SNRPN: variants seen among roughly 807,000 people sequenced by gnomAD.
SNRPN encodes small nuclear ribonucleoprotein polypeptide N.
Under a neutral mutation model 25.2 loss-of-function variants are expected in SNRPN, and 7 were observed. The ratio of observed to expected loss-of-function variants is 0.28; its 90% CI spans 0.16 to 0.52. The LOEUF is 0.52. SNRPN is among the 20% of genes least tolerant of loss of function. SNRPN has a pLI of 0.96. For missense variants in SNRPN, 196 were observed against 322.5 expected (o/e 0.61, Z 3.00); for synonymous variants, 124 against 110.6 (o/e 1.12, Z -0.76).
intron 2 of SNRPN, among the ~76,000 whole-genome samples, chr15:24,896,989 A>G (rs2058117251): frequency 6.6e-6 from 1 of 151,928 alleles, no homozygotes; most frequent in African/African-American, 2.4e-5. Context: ...TCATCTCTAT[A>G]GTAAAATACA....
chr15:24,909,757 T>C, intron 2 of SNRPN: 1 of 1,286,772 alleles, frequency 7.8e-7, no homozygotes, highest in Non-Finnish European at 1.1e-6. Context: ...CCTCTCATCA[T>C]CGTCTTCTAA....
At chr15:24,942,010 C>T (rs1406493291) in intron 3 of SNRPN, among the ~76,000 whole-genome samples, 2 of 152,004 alleles carry the variant, frequency 1.3e-5, no homozygotes, top group African/African-American at 4.8e-5. Context: ...GAACTCCTGA[C>T]CTCGTGATCC....
chr15:24,974,723 G>C (rs181328494), intron 4 of SNRPN: 32 of 606,260 alleles, frequency 5.3e-5, no homozygotes, highest in Non-Finnish European at 4.1e-5. Context: ...AGAGATTCTC[G>C]TGCCTCAGCC....
At chr15:24,968,570 A>T (rs952806099) in intron 3 of SNRPN, among the ~76,000 whole-genome samples, 1 of 152,186 alleles carries the variant, frequency 6.6e-6, no homozygotes, top group Non-Finnish European at 1.5e-5. Flanking sequence ...TTAAATTAGT[A>T]TTCATTGCTT....
intron 3 of SNRPN, among the ~76,000 whole-genome samples, chr15:24,938,159 G>A (rs2061347493): frequency 6.8e-6 from 1 of 146,888 alleles, no homozygotes; most frequent in Non-Finnish European, 1.5e-5. Context: ...CGCCCAGGCT[G>A]GAGTCCAGTG....
chr15:24,947,609 CA>C (rs2061963518), intron 3 of SNRPN, among the ~76,000 whole-genome samples: 2 of 152,146 alleles, frequency 1.3e-5, no homozygotes, highest in African/African-American at 4.8e-5. Flanking sequence ...GCCTGGGCAA[CA>C]GAGTGAGACT....
intron 1 of SNRPN, among the ~76,000 whole-genome samples, chr15:24,880,761 T>C (rs891373246): frequency 6.7e-6 from 1 of 149,228 alleles, no homozygotes; most frequent in Non-Finnish European, 1.5e-5. Context: ...CCTTTTTTTT[T>C]GAGACAGAGT....
chr15:24,825,113 A>G lies in SNRPN; in HGVS notation c.-687+1263A>G, dbSNP rs1360509012. ...GCATTGATAGTTTATGGATATTTTTATTTCACATTATTGATAGAGCTTTGT... is the reference window on the plus strand; with the variant it reads ...GCATTGATAGTTTATGGATATTTTTGTTTCACATTATTGATAGAGCTTTGT... On this transcript the variant is annotated intron_variant, in intron 1 of 12. Transcript: ENST00000400100. 2.0e-5 allele frequency among the ~76,000 whole-genome samples: 3 copies of G among 152,004 alleles called. No individual in the cohort carries two copies. In the East Asian group the frequency reaches 5.8e-4, roughly 29 times the overall value.
At chr15:24,847,711 A>G (rs1807337025) in intron 2 of SNRPN, among the ~76,000 whole-genome samples, 1 of 152,214 alleles carries the variant, frequency 6.6e-6, no homozygotes, top group South Asian at 2.1e-4. Context: ...GTAAACACTC[A>G]GCGAGTCCTG....
At chr15:24,903,803 G>A (rs1175726985) in intron 2 of SNRPN, among the ~76,000 whole-genome samples, 1 of 152,124 alleles carries the variant, frequency 6.6e-6, no homozygotes, top group Non-Finnish European at 1.5e-5. Context: ...GAGGCAGAGA[G>A]GGGCGGATCA....
chr15:24,880,042 T>C (rs2056426580), intron 1 of SNRPN, among the ~76,000 whole-genome samples: 1 of 152,110 alleles, frequency 6.6e-6, no homozygotes, highest in Non-Finnish European at 1.5e-5. Flanking sequence ...TTTCCTTATG[T>C]CTCCTCTGGC....
In SNRPN at chr15:24,949,010, C is replaced by CTTTTTTT. The variant is rs869100437; in HGVS notation, c.-390-13081_-390-13075dup. ...TTCTGTCTATATGGATTTGCCTATT[C>CTTTTTTT]TTTTTTTTTTTTTTTTTTTTTTTTT... On this transcript the variant is annotated intron_variant, in intron 3 of 11. Coordinates refer to the SNRPN transcript ENST00000400097. Among the ~76,000 whole-genome samples, 80 of 46,424 alleles carry CTTTTTTT rather than the reference C, an allele frequency of 1.7e-3. 6 individuals carry two copies. Among genetic ancestry groups the CTTTTTTT allele is most frequent in the Middle Eastern group, 0.02 (1 of 50 alleles). The allele number at this position is 46,424 out of a possible 152,430, so 30.5% of individuals were successfully genotyped here.
intron 2 of SNRPN, chr15:24,848,837 C>T (rs1250219976): frequency 6.6e-6 from 1 of 152,024 alleles, no homozygotes; most frequent in Non-Finnish European, 1.5e-5. Flanking sequence ...TTATAAAATA[C>T]CGTGTTTTAA....
At chr15:24,967,858 A>T in intron 2 of SNRPN, 74 bp from the exon 3 acceptor site, 1 of 1,068,290 alleles carries the variant, frequency 9.4e-7, no homozygotes, top group Non-Finnish European at 1.4e-6. Context: ...AAGGGTACCT[A>T]GTTTTCTTTC....
At position 24,914,166 on chromosome 15, in the gene SNRPN, C is replaced by A. The variant is rs374601062; in HGVS notation, c.-504-5845C>A. Among the ~76,000 whole-genome samples the A allele has an allele frequency of 5.2e-4, 79 of 152,072 alleles. 3 individuals are homozygous for A. In the East Asian group the frequency reaches 0.01, roughly 20 times the overall value. ...TGCTTTTCGGCCAGTAAAGGAAGAA[C>A]AAAAAACTTCCCTGCATCTGCTTCT... On this transcript the variant is annotated intron_variant, in intron 2 of 11. Coordinates refer to the SNRPN transcript ENST00000400097.
intron 3 of SNRPN, among the ~76,000 whole-genome samples, chr15:24,930,820 A>T (rs1419851038): frequency 2.6e-5 from 4 of 151,192 alleles, no homozygotes; most frequent in African/African-American, 7.3e-5. Context: ...AATTGCTTGA[A>T]CCTGGGAGGT....
intron 2 of SNRPN, among the ~76,000 whole-genome samples, chr15:24,911,979 G>C (rs992295395): frequency 5.9e-5 from 9 of 152,230 alleles, no homozygotes; most frequent in African/African-American, 1.9e-4. Flanking sequence ...AGTCATGGCA[G>C]CAGGGTCCCC....
chr15:24,976,706 TTTA>T (rs2077097621), intron 6 of SNRPN, among the ~76,000 whole-genome samples, 168 bp from the exon 7 acceptor site: 1 of 152,228 alleles, frequency 6.6e-6, no homozygotes, highest in African/African-American at 2.4e-5. Flanking sequence ...TAATGTGCAT[TTTA>T]TACACAAGAT....
intron 1 of SNRPN, among the ~76,000 whole-genome samples, chr15:24,877,378 T>C (rs1186314102): frequency 2.0e-5 from 3 of 152,166 alleles, no homozygotes; most frequent in Non-Finnish European, 4.4e-5. Context: ...GACAGTGCCA[T>C]CTAGCATCAA....
Sources: gnomAD v4.1 joint callset for allele counts (sites outside exome capture counted in the v4.1 genomes callset) on GRCh38, gnomAD v4.1.1 for gene constraint, MANE v1.5 for transcripts, NCBI Gene and HGNC (gene_info 2026-07-23, HGNC 2026-07-21) for gene names.